PARD3B: variants seen among roughly 807,000 people sequenced by gnomAD.
The protein encoded by PARD3B is partitioning defective 3 homolog B.
Under a neutral mutation model 130.2 loss-of-function variants are expected in PARD3B, and 103 were observed. The observed-to-expected ratio is 0.79, with a 90% CI of 0.67 to 0.93. PARD3B has a LOEUF of 0.93. Ranked by LOEUF, PARD3B falls within the 40% of genes least tolerant of loss-of-function variation. The probability of loss-of-function intolerance (pLI) is 0.00; values close to 1 mark genes in which losing one functional copy is unlikely to be tolerated. For missense variants in PARD3B, 1,609 were observed against 1,499.2 expected (o/e 1.07, Z -1.21); for synonymous variants, 583 against 553.2 (o/e 1.05, Z -0.76).
chr2:205,042,040 G>GTAGC (rs879731310), intron 3 of PARD3B, among the ~76,000 whole-genome samples: 21 of 152,236 alleles, frequency 1.4e-4, no homozygotes, highest in Admixed American at 4.6e-4. Flanking sequence ...ACTTATAGAG[G>GTAGC]TAGCACCTTA....
At chr2:205,531,915 G>GTTGA (rs1237646546) in intron 21 of PARD3B, among the ~76,000 whole-genome samples, 2 of 152,070 alleles carry the variant, frequency 1.3e-5, no homozygotes. Context: ...GGAAGGATGG[G>GTTGA]TTGATTATTT....
intron 5 of PARD3B, among the ~76,000 whole-genome samples, chr2:205,110,694 C>T (rs1575814761): frequency 6.7e-6 from 1 of 149,056 alleles, no homozygotes; most frequent in Non-Finnish European, 1.5e-5. Flanking sequence ...CCAGAATATC[C>T]TGTCTACCTC....
chr2:205,460,587 T>G lies in PARD3B; in HGVS notation c.3044+19915T>G, dbSNP rs1053315535. Reference sequence around the variant, plus strand: ...TCTCCTAGTGGTCATTAACATAGAGTTTGAAGCTGGGCATAAATCCTAGGT... The same window carrying G: ...TCTCCTAGTGGTCATTAACATAGAGGTTGAAGCTGGGCATAAATCCTAGGT... On this transcript the variant is annotated intron_variant, in intron 20 of 22. Transcript: ENST00000406610. The surrounding 1 kb of genome is among the most constrained non-coding windows in gnomAD (Gnocchi z 4.9). Among the ~76,000 whole-genome samples, 1 of 152,174 alleles carries G rather than the reference T, an allele frequency of 6.6e-6. No individual in the cohort carries two copies. Among genetic ancestry groups the G allele is most frequent in the Non-Finnish European group, 1.5e-5 (1 of 68,046 alleles).
intron 18 of PARD3B, among the ~76,000 whole-genome samples, chr2:205,365,170 A>T (rs144959249): frequency 2.4e-4 from 36 of 149,466 alleles, no homozygotes; most frequent in South Asian, 2.2e-3. Context: ...ATTGTACTCC[A>T]GCCTGGGAGA....
intron 15 of PARD3B, among the ~76,000 whole-genome samples, chr2:205,217,285 G>GCA (rs1285635967): frequency 6.6e-6 from 1 of 152,196 alleles, no homozygotes; most frequent in Non-Finnish European, 1.5e-5. Flanking sequence ...GTGCAGAAGT[G>GCA]CACAGACAGC....
At chr2:205,396,220 A>G (rs1190555019) in intron 18 of PARD3B, among the ~76,000 whole-genome samples, 2 of 152,070 alleles carry the variant, frequency 1.3e-5, no homozygotes, top group African/African-American at 4.8e-5. Context: ...CTTCCCTGTT[A>G]TTGTCTCTTC....
At chr2:205,064,939 G>A (rs527410372) in intron 4 of PARD3B, among the ~76,000 whole-genome samples, 43 of 152,232 alleles carry the variant, frequency 2.8e-4, no homozygotes, top group Middle Eastern at 3.4e-3. Flanking sequence ...CACCAAATGG[G>A]GTTGCAGAAA....
intron 18 of PARD3B, among the ~76,000 whole-genome samples, chr2:205,320,500 T>C (rs919913602): frequency 6.6e-6 from 1 of 152,138 alleles, no homozygotes; most frequent in African/African-American, 2.4e-5. Context: ...AGGGAAATAG[T>C]GGTAGGTTAT....
At chr2:204,899,459 G>T (rs1021294298) in intron 2 of PARD3B, among the ~76,000 whole-genome samples, 6 of 152,000 alleles carry the variant, frequency 3.9e-5, no homozygotes, top group African/African-American at 1.5e-4. Context: ...ACTGATGACA[G>T]CTTACCACTG....
At chr2:205,387,656 G>A (rs1394410030) in intron 18 of PARD3B, among the ~76,000 whole-genome samples, 1 of 152,144 alleles carries the variant, frequency 6.6e-6, no homozygotes, top group Non-Finnish European at 1.5e-5. Flanking sequence ...AATACTGTGG[G>A]TTTCTACAGA....
chr2:205,045,774 C>T (rs1052673062), intron 3 of PARD3B, among the ~76,000 whole-genome samples: 31 of 151,330 alleles, frequency 2.0e-4, no homozygotes, highest in African/African-American at 2.2e-4. Flanking sequence ...CATATATACA[C>T]ACACACACAC....
At chr2:205,605,481 T>G (rs2054956505) in intron 22 of PARD3B, among the ~76,000 whole-genome samples, 1 of 151,902 alleles carries the variant, frequency 6.6e-6, no homozygotes, top group Admixed American at 6.6e-5. Flanking sequence ...TTTGTTGTTT[T>G]TTGTTTGTTT....
rs147871612 is a variant in PARD3B at position 205,048,090 on chromosome 2, G to A, written c.504+400G>A. Reference sequence around the variant, plus strand: ...CAGGTGTTCTGGCTCCAAAATCCTTGCTTCTGGCCAGTACACTATACTGTT... The same window carrying A: ...CAGGTGTTCTGGCTCCAAAATCCTTACTTCTGGCCAGTACACTATACTGTT... On this transcript the variant is annotated intron_variant, in intron 4 of 22. Transcript: ENST00000406610. 532 of 160,662 alleles carry A rather than the reference G, an allele frequency of 3.3e-3. 3 individuals carry two copies. The highest frequency in any genetic ancestry group is 0.012 in the African/African-American group (499 of 41,696). The allele number at this position is 160,662 out of a possible 1,614,324, so 10.0% of individuals were successfully genotyped here.
intron 1 of PARD3B, among the ~76,000 whole-genome samples, chr2:204,615,671 C>T (rs1239954020): frequency 6.6e-6 from 1 of 152,250 alleles, no homozygotes; most frequent in East Asian, 1.9e-4. Flanking sequence ...ACTTTTTAGA[C>T]AGCGTCTGCC....
At chr2:204,613,463 G>A (rs1191598901) in intron 1 of PARD3B, among the ~76,000 whole-genome samples, 1 of 152,050 alleles carries the variant, frequency 6.6e-6, no homozygotes, top group Admixed American at 6.6e-5. Flanking sequence ...TAGATTTTCA[G>A]TTTTGGGAAA....
rs183871356 is a variant in PARD3B at position 205,106,145 on chromosome 2, A to G, written c.593+1631A>G. On this transcript the variant is annotated intron_variant, in intron 5 of 22. Transcript: ENST00000406610. ...AATATATATATTCTTTTATTTATTTATTTATTTTATTTTTATTTTGAGATG... is the reference window on the plus strand; with the variant it reads ...AATATATATATTCTTTTATTTATTTGTTTATTTTATTTTTATTTTGAGATG... Among the ~76,000 whole-genome samples, 15 of 151,636 alleles carry G rather than the reference A, an allele frequency of 9.9e-5. No homozygotes were observed. The East Asian group carries it at 2.7e-3, about 27-fold the overall frequency.
Position 205,392,668 on chromosome 2 carries a change from C to T in PARD3B, c.2631-8345C>T, listed in dbSNP as rs567535706. On this transcript the variant is annotated intron_variant, in intron 18 of 22. Coordinates refer to ENST00000406610, the MANE Select transcript of PARD3B (RefSeq NM_001302769.2). The stretch of plus-strand genomic sequence containing the variant: ...ATTAAAGCATCAACTCACTCAGTTT[C>T]TACTTGTGTACACATCCTACAAGGC... 7.9e-4 allele frequency among the ~76,000 whole-genome samples: 121 copies of T among 152,254 alleles called. 1 individual carries two copies. The South Asian group carries it at 0.025, about 31-fold the overall frequency.
At chr2:205,305,291 G>A (rs2042150192) in intron 18 of PARD3B, among the ~76,000 whole-genome samples, 1 of 152,118 alleles carries the variant, frequency 6.6e-6, no homozygotes, top group Admixed American at 6.5e-5. Flanking sequence ...TGATTATGTG[G>A]CATGTAGCAT....
chr2:204,958,237 A>T (rs973684375), intron 2 of PARD3B, among the ~76,000 whole-genome samples: 6 of 152,202 alleles, frequency 3.9e-5, no homozygotes, highest in Non-Finnish European at 7.3e-5. Context: ...AAAATGACAG[A>T]ATGCTACAGG....
Sources: allele counts gnomAD v4.1 joint callset (sites outside exome capture counted in the v4.1 genomes callset), GRCh38; gene constraint gnomAD v4.1.1; non-coding constraint Gnocchi (gnomAD v3.1); transcripts MANE v1.5; gene names NCBI Gene and HGNC (gene_info 2026-07-23, HGNC 2026-07-21).